Variants in ROS1 observed in about 807,000 individuals in gnomAD.
ROS1 encodes ROS proto-oncogene 1, receptor tyrosine kinase.
A neutral mutation model predicts 273.5 loss-of-function variants in ROS1; 263 were observed. The ratio of observed to expected loss-of-function variants is 0.96; its 90% CI spans 0.87 to 1.06. The LOEUF (loss-of-function observed/expected upper bound fraction) is 1.06. Among genes scored for constraint, ROS1 ranks in the 50% least tolerant of loss-of-function variants. ROS1 has a pLI of 0.00. For synonymous variants in ROS1, 1,008 were observed against 954.1 expected (o/e 1.06, Z -1.04); for missense variants, 2,833 against 2,751.1 (o/e 1.03, Z -0.67).
At chr6:117,413,328 C>G (rs781549179) in intron 4 of ROS1, among the ~76,000 whole-genome samples, 1 of 152,176 alleles carries the variant, frequency 6.6e-6, no homozygotes, top group Non-Finnish European at 1.5e-5. Context: ...AAACTCCTGA[C>G]CTCCAGCAAT....
intron 12 of ROS1, among the ~76,000 whole-genome samples, chr6:117,390,625 C>A (rs536375927): frequency 2.6e-5 from 4 of 152,220 alleles, no homozygotes; most frequent in African/African-American, 9.6e-5. Flanking sequence ...GTACAGTTAT[C>A]ATTTTGCTAT....
At position 117,357,803 on chromosome 6, in the gene ROS1, C is replaced by T. The variant is rs757555071; in HGVS notation, c.3839+1G>A. 1.3e-6 allele frequency: 2 copies of T among 1,574,876 alleles called. No individual in the cohort carries two copies. The highest frequency in any genetic ancestry group is 3.3e-5 in the Admixed American group (2 of 59,850). Reference sequence around the variant, plus strand: ...ATAAAAAAATACTTGCATTTACATACCTTAAAAGAGGATATACAGAAAAAG... The same window carrying T: ...ATAAAAAAATACTTGCATTTACATATCTTAAAAGAGGATATACAGAAAAAG... On this transcript the variant is annotated splice_donor_variant, in intron 25 of 43. Transcript: ENST00000368507. LOFTEE classifies it high-confidence loss of function.
intron 11 of ROS1, among the ~76,000 whole-genome samples, 160 bp downstream of exon 11, chr6:117,394,002 A>C (rs1773285418): frequency 6.6e-6 from 1 of 152,218 alleles, no homozygotes; most frequent in Non-Finnish European, 1.5e-5. Flanking sequence ...ACACCCTCCT[A>C]TAGGCCAGAT....
At chr6:117,330,201 T>C (rs1228768562) in intron 32 of ROS1, among the ~76,000 whole-genome samples, 1 of 152,232 alleles carries the variant, frequency 6.6e-6, no homozygotes, top group Non-Finnish European at 1.5e-5. Flanking sequence ...CCAGCTGTGG[T>C]AGTCAGCGGC....
intron 36 of ROS1, 76 bp downstream of exon 36, chr6:117,321,183 G>T (rs548325064): frequency 6.7e-7 from 1 of 1,485,670 alleles, no homozygotes; most frequent in South Asian, 1.3e-5. Context: ...TGGGCAATGC[G>T]GAATTCATAG....
chr6:117,405,139 C>A (rs1252693857), intron 5 of ROS1, among the ~76,000 whole-genome samples: 5 of 152,098 alleles, frequency 3.3e-5, no homozygotes, highest in Non-Finnish European at 5.9e-5. Flanking sequence ...TTTATAGAAA[C>A]AAAATCAGCA....
At chr6:117,352,910 G>T in intron 27 of ROS1, 80 bp downstream of exon 27, 2 of 1,316,302 alleles carry the variant, frequency 1.5e-6, no homozygotes, top group Non-Finnish European at 1.1e-6. Context: ...TAAAGGGACA[G>T]CCTTGGAGAA....
At chr6:117,318,043 C>T (rs958765794) in intron 38 of ROS1, 145 bp downstream of exon 38, 2 of 650,304 alleles carry the variant, frequency 3.1e-6, no homozygotes, top group Admixed American at 4.7e-5. Flanking sequence ...AGACTACTTG[C>T]TCTGCAGATG....
At chr6:117,394,461 T>A in intron 10 of ROS1, 115 bp from the exon 11 acceptor site, 1 of 835,220 alleles carries the variant, frequency 1.2e-6, no homozygotes, top group Non-Finnish European at 1.6e-6. Flanking sequence ...AAGTATTTTA[T>A]TTTAAAAGAA....
chr6:117,337,200 G>A lies in ROS1; in HGVS notation c.5202C>T (p.Thr1734=), dbSNP rs148667396. The change falls in exon 32 of 44, where the codon ACC becomes ACT. Residue 1734 remains threonine, a synonymous_variant. Transcript: ENST00000368507. ...VVVYKTGENS[T]SLPESFKTKA... ...TTGTCTTAAAGCTTTCTGGAAGTGAGGTGCTATTTTCTCCCGTCTTATAAA... is the reference window on the plus strand; with the variant it reads ...TTGTCTTAAAGCTTTCTGGAAGTGAAGTGCTATTTTCTCCCGTCTTATAAA... 803 of 1,612,294 alleles carry A rather than the reference G, an allele frequency of 5.0e-4. No homozygotes were observed. In the Middle Eastern group the frequency reaches 9.8e-3, roughly 20 times the overall value.
intron 28 of ROS1, among the ~76,000 whole-genome samples, 199 bp downstream of exon 28, chr6:117,343,861 T>C (rs1399579211): frequency 6.6e-6 from 1 of 152,032 alleles, no homozygotes; most frequent in African/African-American, 2.4e-5. Context: ...TGGGCAAGAG[T>C]TGATATACTT....
chr6:117,367,890 C>G (rs538555885), intron 18 of ROS1, among the ~76,000 whole-genome samples: 1 of 152,262 alleles, frequency 6.6e-6, no homozygotes, highest in South Asian at 2.1e-4. Flanking sequence ...ACAAGATAAA[C>G]AGGGAAAATC....
Position 117,403,121 on chromosome 6 carries a change from A to G in ROS1, c.604+18T>C. ...TTTGGAATAATGTCCTTTCATAAGAAATGTGTGCACACCATACCTCCATGA... is the reference window on the plus strand; with the variant it reads ...TTTGGAATAATGTCCTTTCATAAGAGATGTGTGCACACCATACCTCCATGA... On this transcript the variant is annotated intron_variant, in intron 7 of 43. Coordinates refer to ENST00000368507, the MANE Select transcript of ROS1 (RefSeq NM_001378902.1). The G allele has an allele frequency of 1.2e-6, 2 of 1,613,188 alleles. No homozygotes were observed. The highest frequency in any genetic ancestry group is 1.7e-6 in the Non-Finnish European group (2 of 1,179,458).
chr6:117,397,971 C>T (rs1330552751), intron 7 of ROS1, among the ~76,000 whole-genome samples: 2 of 152,164 alleles, frequency 1.3e-5, no homozygotes, highest in African/African-American at 4.8e-5. Context: ...TGCTCTGCAT[C>T]ACCACTGACT....
At position 117,385,699 on chromosome 6, in the gene ROS1, G is replaced by T. The variant is rs1772513586; in HGVS notation, c.2273C>A (p.Ala758Asp). 4 of 1,613,834 alleles carry T rather than the reference G, an allele frequency of 2.5e-6. No individual in the cohort carries two copies. Among genetic ancestry groups the T allele is most frequent in the Non-Finnish European group, 3.4e-6 (4 of 1,179,986 alleles). Residue 758 changes from alanine (A) to aspartate (D), a missense_variant, in exon 16 of 44, where the codon GCT becomes GAT. Physicochemically the swap from Ala to Asp is moderately radical, Grantham distance 126. Coordinates refer to ENST00000368507, the MANE Select transcript of ROS1 (RefSeq NM_001378902.1). Reference sequence around the variant, plus strand: ...TTAACTCACCACATATGTCTTTCCAGCCCAGTAGAGAAAGTGACCCAGCCA... The same window carrying T: ...TTAACTCACCACATATGTCTTTCCATCCCAGTAGAGAAAGTGACCCAGCCA... ...FEWLGHFLYW[A>D]GKTYVIQRQS... is the part of the protein sequence containing the mutation.
chr6:117,424,285 A>G (rs1235395859), intron 1 of ROS1, among the ~76,000 whole-genome samples: 1 of 151,854 alleles, frequency 6.6e-6, no homozygotes, highest in Non-Finnish European at 1.5e-5. Flanking sequence ...AGCTGGTTGC[A>G]TAGCTGGGTG....
chr6:117,368,449 G>A (rs1191624718), intron 18 of ROS1, among the ~76,000 whole-genome samples: 1 of 152,080 alleles, frequency 6.6e-6, no homozygotes, highest in Non-Finnish European at 1.5e-5. Flanking sequence ...GTAGTTTGAG[G>A]GGCAATTCAA....
At chr6:117,330,715 T>C (rs1777018762) in intron 32 of ROS1, among the ~76,000 whole-genome samples, 1 of 152,016 alleles carries the variant, frequency 6.6e-6, no homozygotes, top group South Asian at 2.1e-4. Context: ...CCCAGCAAAC[T>C]GCAGCAGCCC....
chr6:117,407,733 C>G (rs114337299), intron 5 of ROS1, among the ~76,000 whole-genome samples: 1 of 152,104 alleles, frequency 6.6e-6, no homozygotes, highest in Non-Finnish European at 1.5e-5. Context: ...TCACATGGAA[C>G]CAAAAAAATG....
Sources: gnomAD v4.1 joint callset for allele counts (sites outside exome capture counted in the v4.1 genomes callset) on GRCh38, gnomAD v4.1.1 for gene constraint, MANE v1.5 for transcripts, NCBI Gene and HGNC (gene_info 2026-07-23, HGNC 2026-07-21) for gene names.